The following TSGA10 variants were observed in gnomAD, a reference collection of about 807,000 sequenced individuals.
TSGA10 encodes testis specific 10, also known as testis-specific gene 10 protein.
Under a neutral mutation model 96.6 loss-of-function variants are expected in TSGA10, and 43 were observed. That is an observed-to-expected ratio of 0.44 (90% CI 0.35 to 0.57). The LOEUF (loss-of-function observed/expected upper bound fraction) is 0.57, where lower values mean the gene tolerates loss of function less well. Ranked by LOEUF, TSGA10 falls within the 20% of genes least tolerant of loss-of-function variation. The probability of loss-of-function intolerance (pLI) is 0.01; values close to 1 mark genes in which losing one functional copy is unlikely to be tolerated. For synonymous variants in TSGA10, 229 were observed against 269.9 expected, an observed-to-expected ratio of 0.85 and a Z score of 1.48; for missense variants, 703 against 834.4, an observed-to-expected ratio of 0.84 and a Z score of 1.94.
intron 10 of TSGA10, among the ~76,000 whole-genome samples, chr2:99,086,218 T>C (rs1175293268): frequency 1.3e-5 from 2 of 152,064 alleles, no homozygotes; most frequent in African/African-American, 2.4e-5. Flanking sequence ...AAAAACACAA[T>C]TGTATTCTTT....
At chr2:99,101,360 G>T (rs1040471605) in intron 10 of TSGA10, among the ~76,000 whole-genome samples, 1 of 151,086 alleles carries the variant, frequency 6.6e-6, no homozygotes, top group Non-Finnish European at 1.5e-5. Flanking sequence ...TAGAGACAAG[G>T]TCTTGCTATG....
At chr2:99,107,657 T>C (rs1279673645) in intron 7 of TSGA10, among the ~76,000 whole-genome samples, 1 of 152,152 alleles carries the variant, frequency 6.6e-6, no homozygotes, top group Non-Finnish European at 1.5e-5. Flanking sequence ...CAAAAGAGTA[T>C]TTTAAAACAA....
intron 20 of TSGA10, among the ~76,000 whole-genome samples, chr2:99,004,273 C>G (rs191901552): frequency 0.011 from 1,630 of 152,058 alleles, 9 homozygotes; most frequent in Middle Eastern, 0.027. Flanking sequence ...CTGAATAGAC[C>G]AATAACAGGC....
chr2:99,140,256 C>G (rs186159804), intron 1 of TSGA10, among the ~76,000 whole-genome samples: 25 of 152,302 alleles, frequency 1.6e-4, no homozygotes, highest in Admixed American at 7.2e-4. Context: ...ATCCTGGAAG[C>G]AGATTCGAAT....
At position 99,081,232 on chromosome 2, in the gene TSGA10, C is replaced by T. The variant is rs2087448986; in HGVS notation, c.727+50G>A. On this transcript the variant is annotated intron_variant, in intron 11 of 20. Coordinates refer to ENST00000393483, the MANE Select transcript of TSGA10 (RefSeq NM_025244.4). ...CTGAAGAGAAGAAAATACATCTTTGCTACCAAACTTAAGAAAAACTAAAAG... is the reference window on the plus strand; with the variant it reads ...CTGAAGAGAAGAAAATACATCTTTGTTACCAAACTTAAGAAAAACTAAAAG... 3 of 1,069,544 alleles carry T rather than the reference C, an allele frequency of 2.8e-6. No individual in the cohort carries two copies. In the South Asian group the frequency reaches 4.9e-5, roughly 17 times the overall value. 66.3% of individuals were successfully genotyped at this position (1,069,544 alleles called of 1,614,324 possible).
chr2:99,034,387 T>G (rs1489349480), intron 17 of TSGA10, among the ~76,000 whole-genome samples: 4 of 151,852 alleles, frequency 2.6e-5, no homozygotes. Flanking sequence ...GGCGACAGAG[T>G]GAGACTCCAT....
At position 99,149,504 on chromosome 2, in the gene TSGA10, G is replaced by A. The variant is rs183876230; in HGVS notation, c.-621+5189C>T. Among the ~76,000 whole-genome samples the A allele has an allele frequency of 5.7e-4, 84 of 147,778 alleles. 1 individual carries two copies. In the East Asian group the frequency reaches 8.5e-3, roughly 15 times the overall value. The stretch of plus-strand genomic sequence containing the variant: ...GTCGCCCAGGCTGGAGTGCAGTGGC[G>A]CGATCTCGGCTCACTGCAACCTCAG... On this transcript the variant is annotated intron_variant, in intron 1 of 20. Transcript: ENST00000393483.
intron 10 of TSGA10, among the ~76,000 whole-genome samples, chr2:99,098,942 C>T (rs1299832804): frequency 3.9e-5 from 6 of 152,006 alleles, no homozygotes; most frequent in African/African-American, 4.8e-5. Flanking sequence ...CACAAAATGA[C>T]AGAAGAAAAA....
At chr2:99,118,155 T>C (rs2092375370) in intron 3 of TSGA10, among the ~76,000 whole-genome samples, 1 of 151,956 alleles carries the variant, frequency 6.6e-6, no homozygotes, top group South Asian at 2.1e-4. Flanking sequence ...TATTAAAATA[T>C]ATTAACTCTT....
chr2:99,047,857 A>G (rs1054905443), intron 16 of TSGA10, among the ~76,000 whole-genome samples: 1 of 152,256 alleles, frequency 6.6e-6, no homozygotes, highest in Non-Finnish European at 1.5e-5. Context: ...TAAGCTGATA[A>G]GCAACTTCAG....
chr2:99,023,006 T>A (rs2080183040), intron 17 of TSGA10, among the ~76,000 whole-genome samples: 1 of 152,140 alleles, frequency 6.6e-6, no homozygotes, highest in South Asian at 2.1e-4. Context: ...TTTGCCTAAT[T>A]TTTTAGTTGG....
chr2:99,103,976 T>C lies in TSGA10; in HGVS notation c.602A>G (p.Asn201Ser). The C allele has an allele frequency of 6.2e-7, 1 of 1,614,010 alleles. No individual in the cohort carries two copies. The highest frequency in any genetic ancestry group is 8.5e-7 in the Non-Finnish European group (1 of 1,179,970). Reference protein sequence around the residue: ...SELGRQKAENNSLRLLYENTE... With the variant: ...SELGRQKAENSSLRLLYENTE... ...AGGTGATTTAGTTTACCTCAAAGAA[T>C]TATTCTCTGCTTTTTGTCTGCCAAG... The change falls in exon 10 of 21, where the codon AAT becomes AGT. Residue 201 changes from asparagine to serine, a missense_variant. Physicochemically the swap from Asn to Ser is conservative, Grantham distance 46 (BLOSUM62 1). Transcript: ENST00000393483.
In TSGA10 at chr2:98,997,838, T is replaced by A. The variant is rs999026892; in HGVS notation, c.*359A>T. On this transcript the variant is annotated 3_prime_UTR_variant, in exon 21 of 21. Transcript: ENST00000393483. ...CAAAGAAAAAAAATTAACCAACCAA[T>A]TATTTGAGATACCAAGAAAGGAAAG... The A allele has an allele frequency of 2.8e-5, 5 of 175,946 alleles. No homozygotes were observed. The highest frequency in any genetic ancestry group is 1.2e-5 in the Non-Finnish European group (1 of 84,222). The allele number at this position is 175,946 out of a possible 1,614,324, so 10.9% of individuals were successfully genotyped here. A position where few individuals can be genotyped will look rare whatever the true frequency, so the allele number is the denominator to read the frequency against.
chr2:99,008,493 C>T (rs975826087), intron 20 of TSGA10, among the ~76,000 whole-genome samples: 1 of 152,104 alleles, frequency 6.6e-6, no homozygotes, highest in African/African-American at 2.4e-5. Flanking sequence ...ACTGAAATAC[C>T]ATTTCTCATC....
rs1022735782 is a variant in TSGA10 at position 99,126,969 on chromosome 2, T to C, written c.-492+79A>G. ...TAAATGAGCTCTGAATTAGTAGTTA[T>C]TTATTCTCTATCTTCTTGTTTCAAA... On this transcript the variant is annotated intron_variant, in intron 2 of 20. Coordinates refer to ENST00000393483, the MANE Select transcript of TSGA10 (RefSeq NM_025244.4). The C allele has an allele frequency of 1.5e-5, 18 of 1,197,700 alleles. No homozygotes were observed. The African/African-American group carries it at 2.5e-4, about 17-fold the overall frequency. 74.2% of individuals were successfully genotyped at this position (1,197,700 alleles called of 1,614,324 possible).
intron 1 of TSGA10, among the ~76,000 whole-genome samples, chr2:99,128,856 T>C (rs2092945985): frequency 6.6e-6 from 1 of 152,092 alleles, no homozygotes; most frequent in African/African-American, 2.4e-5. Context: ...CAAGCAATCT[T>C]CTCACCCTAG....
At position 99,052,756 on chromosome 2, in the gene TSGA10, A is replaced by AAAAT. The variant is rs535538504; in HGVS notation, c.1404+12179_1404+12182dup. On this transcript the variant is annotated intron_variant, in intron 16 of 20. Coordinates refer to ENST00000393483, the MANE Select transcript of TSGA10 (RefSeq NM_025244.4). ...CCATCTCAATTTAAAAAAAAAAATTAAAATAAATAAATAAATAAATAAATA... is the reference window on the plus strand; with the variant it reads ...CCATCTCAATTTAAAAAAAAAAATTAAAATAAATAAATAAATAAATAAATAAATA... 2.0e-3 allele frequency among the ~76,000 whole-genome samples: 307 copies of AAAAT among 151,076 alleles called. 2 individuals carry two copies. Among genetic ancestry groups the AAAAT allele is most frequent in the Middle Eastern group, 0.017 (5 of 290 alleles).
Position 98,999,045 on chromosome 2 carries a change from G to A in TSGA10, c.2073-824C>T, listed in dbSNP as rs923065873. ...TGAGTAGCTGGGATTACAGACATGC[G>A]CCACCACGCCCAGCTAATGTTTGTA... is the stretch of plus-strand genomic sequence containing the variant. On this transcript the variant is annotated intron_variant, in intron 20 of 20. Transcript: ENST00000393483. 4.6e-5 allele frequency among the ~76,000 whole-genome samples: 7 copies of A among 151,920 alleles called. No homozygotes were observed. The East Asian group carries it at 7.7e-4, about 17-fold the overall frequency.
intron 16 of TSGA10, among the ~76,000 whole-genome samples, chr2:99,043,176 A>T (rs202222591): frequency 9.2e-5 from 14 of 151,772 alleles, no homozygotes; most frequent in African/African-American, 2.2e-4. Context: ...ATTATAAAAA[A>T]ATATATAAAT....
Sources: gnomAD v4.1 joint callset for allele counts (sites outside exome capture counted in the v4.1 genomes callset) on GRCh38, gnomAD v4.1.1 for gene constraint, MANE v1.5 for transcripts, NCBI Gene and HGNC (gene_info 2026-07-23, HGNC 2026-07-21) for gene names.